PIK3CD: variants seen among roughly 807,000 people sequenced by gnomAD.
The protein encoded by PIK3CD is phosphatidylinositol-4,5-bisphosphate 3-kinase catalytic subunit delta.
A neutral mutation model predicts 122.9 loss-of-function variants in PIK3CD; 20 were observed. The ratio of observed to expected loss-of-function variants is 0.16; its 90% CI spans 0.11 to 0.24. The LOEUF is 0.24. Among genes scored for constraint, PIK3CD ranks in the 10% least tolerant of loss-of-function variants. The probability of loss-of-function intolerance (pLI) is 1.00; values close to 1 mark genes in which losing one functional copy is unlikely to be tolerated. For missense variants in PIK3CD, 787 were observed against 1,406.3 expected (o/e 0.56, Z 7.04); for synonymous variants, 596 against 593.4 (o/e 1.00, Z -0.06).
In PIK3CD at chr1:9,720,080, C is replaced by T. The variant is rs762638621; in HGVS notation, c.1340-32C>T. The T allele has an allele frequency of 6.2e-7, 1 of 1,613,316 alleles. No homozygotes were observed. Among genetic ancestry groups the T allele is most frequent in the South Asian group, 1.1e-5 (1 of 91,084 alleles). On this transcript the variant is annotated intron_variant, in intron 10 of 23. Transcript: ENST00000377346. This position sits in a 1 kb window ranked among gnomAD's most constrained non-coding sequence, Gnocchi z 9.0. ...TGAGGGTCCCAGAGATGCTGGTCAC[C>T]CCTCTACAACTTCATCTGCCCCTGT...
rs1570031548 is a variant in PIK3CD at position 9,652,304 on chromosome 1, G to A, written c.-138+502G>A. The stretch of plus-strand genomic sequence containing the variant: ...TGATGTCGCCCGAGTGCCCTGGCGC[G>A]GAGAGAGGGCTGCGCACAGTTCGCC... On this transcript the variant is annotated intron_variant, in intron 1 of 23. Coordinates refer to ENST00000377346, the MANE Select transcript of PIK3CD (RefSeq NM_005026.5). The surrounding 1 kb of genome is among the most constrained non-coding windows in gnomAD (Gnocchi z 6.2). 1.3e-5 allele frequency among the ~76,000 whole-genome samples: 2 copies of A among 152,170 alleles called. No individual in the cohort carries two copies. Among genetic ancestry groups the A allele is most frequent in the African/African-American group, 4.8e-5 (2 of 41,456 alleles).
the PIK3CD span, among the ~76,000 whole-genome samples, chr1:9,643,906 G>T: frequency 1.3e-5 from 2 of 152,142 alleles, no homozygotes; most frequent in African/African-American, 4.8e-5. Context: ...TTTCTGCCTC[G>T]CCTGGAAGGA....
At position 9,719,864 on chromosome 1, in the gene PIK3CD, G is replaced by A; in HGVS notation, c.1243-57G>A. On this transcript the variant is annotated intron_variant, in intron 9 of 23. Coordinates refer to ENST00000377346, the MANE Select transcript of PIK3CD (RefSeq NM_005026.5). The surrounding 1 kb of genome is among the most constrained non-coding windows in gnomAD (Gnocchi z 5.5). The stretch of plus-strand genomic sequence containing the variant: ...GGTGGGGTGCCTGGGGGAGGGCAGG[G>A]AAGCTGGGTCTGGAGGCCCCTGAGT... The A allele has an allele frequency of 4.9e-6, 7 of 1,419,050 alleles. No individual in the cohort carries two copies. The highest frequency in any genetic ancestry group is 4.6e-5 in the East Asian group (2 of 43,926). 87.9% of individuals were successfully genotyped at this position (1,419,050 alleles called of 1,614,324 possible).
At chr1:9,716,122 TG>T (rs1376960549) in intron 5 of PIK3CD, 44 bp downstream of exon 5, 2 of 1,471,686 alleles carry the variant, frequency 1.4e-6, no homozygotes. Context: ...GCTCTGTCCA[TG>T]GGGAGCACTT....
chr1:9,663,407 G>A (rs1257809915), intron 1 of PIK3CD, among the ~76,000 whole-genome samples: 1 of 152,132 alleles, frequency 6.6e-6, no homozygotes, highest in Non-Finnish European at 1.5e-5. Flanking sequence ...CTGCACCGCT[G>A]TGGGGCCCGT....
At position 9,710,765 on chromosome 1, in the gene PIK3CD, A is replaced by G. The variant is rs1358760231; in HGVS notation, c.141+169A>G. Among the ~76,000 whole-genome samples, 1 of 152,020 alleles carries G rather than the reference A, an allele frequency of 6.6e-6. No individual in the cohort carries two copies. Among genetic ancestry groups the G allele is most frequent in the Non-Finnish European group, 1.5e-5 (1 of 67,984 alleles). On this transcript the variant is annotated intron_variant, in intron 3 of 23. Transcript: ENST00000377346. The surrounding 1 kb of genome is among the most constrained non-coding windows in gnomAD (Gnocchi z 4.7). ...TGGGATCCTCAGATGAGAATTTTAA[A>G]AGATAAATAATGGTTTGTTTGTTTG...
intron 23 of PIK3CD, 126 bp downstream of exon 23, chr1:9,725,062 C>T (rs972778043): frequency 9.1e-6 from 11 of 1,210,744 alleles, no homozygotes; most frequent in Admixed American, 2.0e-5. Context: ...TGCCTCATGC[C>T]GTCCCAGGAC....
chr1:9,681,517 C>T (rs938462511), intron 1 of PIK3CD, among the ~76,000 whole-genome samples: 5 of 152,282 alleles, frequency 3.3e-5, no homozygotes, highest in East Asian at 1.9e-4. Context: ...CGGGTTAAAG[C>T]GATTCTCCTG....
At chr1:9,675,295 A>G (rs1283061456) in intron 1 of PIK3CD, among the ~76,000 whole-genome samples, 1 of 146,222 alleles carries the variant, frequency 6.8e-6, no homozygotes, top group African/African-American at 2.5e-5. Context: ...CTGAGGCAGG[A>G]GAATGGCGTG....
chr1:9,647,480 TA>T (rs1384408018), upstream of PIK3CD, among the ~76,000 whole-genome samples: 1 of 126,808 alleles, frequency 7.9e-6, no homozygotes, highest in Admixed American at 8.5e-5. Flanking sequence ...TTCATGATTC[TA>T]ATTATTATTA....
chr1:9,681,564 G>A (rs554944692), intron 1 of PIK3CD, among the ~76,000 whole-genome samples: 4 of 152,068 alleles, frequency 2.6e-5, no homozygotes, highest in South Asian at 4.2e-4. Flanking sequence ...ACAGGCGTGC[G>A]CCACTAGTTT....
At chr1:9,699,793 G>A (rs750102170) in intron 2 of PIK3CD, among the ~76,000 whole-genome samples, 14 of 152,224 alleles carry the variant, frequency 9.2e-5, no homozygotes, top group South Asian at 4.1e-4. Flanking sequence ...GGGTTTCACC[G>A]TGTGGGCCAG....
intron 2 of PIK3CD, among the ~76,000 whole-genome samples, chr1:9,706,653 C>A (rs1472316731): frequency 6.6e-6 from 1 of 152,040 alleles, no homozygotes; most frequent in Non-Finnish European, 1.5e-5. Flanking sequence ...AGATTCGATA[C>A]CAAAATAAAT....
At chr1:9,690,060 C>T (rs914197429) in intron 1 of PIK3CD, among the ~76,000 whole-genome samples, 1 of 152,180 alleles carries the variant, frequency 6.6e-6, no homozygotes, top group African/African-American at 2.4e-5. Context: ...CGAGGACGCG[C>T]CTGTTCGGGG....
rs572602285 is a variant in PIK3CD at position 9,653,955 on chromosome 1, C to T, written c.-138+2153C>T. The T allele has an allele frequency of 9.6e-6, 13 of 1,358,108 alleles. No homozygotes were observed. The African/African-American group carries it at 1.5e-4, about 15-fold the overall frequency. The allele number at this position is 1,358,108 out of a possible 1,614,324, so 84.1% of individuals were successfully genotyped here. ...GAGCGGTAGCTCATACCTGTCATCCCAGTGCTTTGGGAGGCCCAGACGGGA... is the reference window on the plus strand; with the variant it reads ...GAGCGGTAGCTCATACCTGTCATCCTAGTGCTTTGGGAGGCCCAGACGGGA... On this transcript the variant is annotated intron_variant, in intron 1 of 23. Transcript: ENST00000377346.
intron 1 of PIK3CD, among the ~76,000 whole-genome samples, chr1:9,684,667 C>A (rs1174851509): frequency 6.6e-6 from 1 of 151,482 alleles, no homozygotes; most frequent in East Asian, 1.9e-4. Flanking sequence ...CCAGCCTGGA[C>A]AACATAGCAA....
rs200295565 is a variant in PIK3CD, at chr1:9,720,173, C to T, written c.1401C>T (p.Ser467=). 3.5e-5 allele frequency: 57 copies of T among 1,612,676 alleles called. No homozygotes were observed. The highest frequency in any genetic ancestry group is 1.6e-4 in the Middle Eastern group (1 of 6,062). Residue 467 remains serine, a synonymous_variant, in exon 11 of 24, where the codon AGC becomes AGT. Coordinates refer to ENST00000377346, the MANE Select transcript of PIK3CD (RefSeq NM_005026.5). This position sits in a 1 kb window ranked among gnomAD's most constrained non-coding sequence, Gnocchi z 9.0. ...GTVRSNPNTD[S]AAALLICLPE... is the part of the protein sequence containing the mutation. ...TGCGCAGTAACCCCAACACGGATAG[C>T]GCCGCTGCCCTGCTCATCTGCCTGC... is the stretch of plus-strand genomic sequence containing the variant.
Position 9,728,980 on chromosome 1 carries a change from T to C in PIK3CD, c.*1934T>C, listed in dbSNP as rs1011675348. On this transcript the variant is annotated 3_prime_UTR_variant, in exon 24 of 24. Coordinates refer to ENST00000377346, the MANE Select transcript of PIK3CD (RefSeq NM_005026.5). ...TCAAAAAGAAACAAGGGAGTGTAGGTTTAAAACCAAAACAGGAGAGAAGAC... is the reference window on the plus strand; with the variant it reads ...TCAAAAAGAAACAAGGGAGTGTAGGCTTAAAACCAAAACAGGAGAGAAGAC... The C allele has an allele frequency of 6.6e-6, 1 of 152,100 alleles. No homozygotes were observed. Among genetic ancestry groups the C allele is most frequent in the East Asian group, 1.9e-4 (1 of 5,194 alleles). The allele number at this position is 152,100 out of a possible 1,614,324, so 9.4% of individuals were successfully genotyped here. A position where few individuals can be genotyped will look rare whatever the true frequency, so the allele number is the denominator to read the frequency against.
At chr1:9,685,135 A>C (rs568784675) in intron 1 of PIK3CD, among the ~76,000 whole-genome samples, 1 of 152,300 alleles carries the variant, frequency 6.6e-6, no homozygotes, top group East Asian at 1.9e-4. Flanking sequence ...TAAGGATGGC[A>C]GGAGAGCATG....
Sources: gnomAD v4.1 joint callset for allele counts (sites outside exome capture counted in the v4.1 genomes callset) on GRCh38, gnomAD v4.1.1 for gene constraint, Gnocchi (gnomAD v3.1) non-coding constraint, MANE v1.5 for transcripts, NCBI Gene and HGNC (gene_info 2026-07-23, HGNC 2026-07-21) for gene names.